Variants in IARS1 observed in about 807,000 individuals in gnomAD.
IARS1 encodes the protein isoleucyl-tRNA synthetase 1, also known as isoleucine--tRNA ligase, cytoplasmic.
A neutral mutation model predicts 168.2 loss-of-function variants in IARS1; 124 were observed. The observed-to-expected ratio is 0.74, with a 90% CI of 0.64 to 0.86. IARS1 has a LOEUF of 0.86. Among genes scored for constraint, IARS1 ranks in the 40% least tolerant of loss-of-function variants. The probability of loss-of-function intolerance (pLI) is 0.00; values close to 1 mark genes in which losing one functional copy is unlikely to be tolerated. For missense variants in IARS1, 1,452 were observed against 1,515.8 expected, an observed-to-expected ratio of 0.96 and a Z score of 0.70; for synonymous variants, 532 against 529.4, an observed-to-expected ratio of 1.00 and a Z score of -0.07.
chr9:92,227,620 G>A (rs1564159159), intron 31 of IARS1, among the ~76,000 whole-genome samples: 2 of 151,608 alleles, frequency 1.3e-5, no homozygotes, highest in East Asian at 1.9e-4. Context: ...CTTCTCAGAC[G>A]GGGCGGTTGC....
intron 6 of IARS1, among the ~76,000 whole-genome samples, chr9:92,282,106 G>C (rs1834671519): frequency 6.6e-6 from 1 of 151,894 alleles, no homozygotes; most frequent in South Asian, 2.1e-4. Flanking sequence ...ACTGATTTTA[G>C]GAAATATATA....
intron 7 of IARS1, among the ~76,000 whole-genome samples, chr9:92,278,598 G>A (rs112088266): frequency 2.0e-3 from 311 of 152,258 alleles, no homozygotes; most frequent in Non-Finnish European, 4.0e-3. Flanking sequence ...CATTGACAAA[G>A]TAGCTCACAA....
chr9:92,256,523 C>T lies in IARS1; in HGVS notation c.2137+157G>A, dbSNP rs891129920. ...CCAGGGTCTTGAAACAAAGATATCA[C>T]GACAATTAACAAGCCTTAACAAAAC... On this transcript the variant is annotated intron_variant, in intron 20 of 33. Coordinates refer to ENST00000443024, the MANE Select transcript of IARS1 (RefSeq NM_002161.6). 38 of 719,684 alleles carry T rather than the reference C, an allele frequency of 5.3e-5. No individual in the cohort carries two copies. In the African/African-American group the frequency reaches 5.3e-4, roughly 10 times the overall value. 44.6% of individuals were successfully genotyped at this position (719,684 alleles called of 1,614,324 possible).
In IARS1 at chr9:92,271,673, A is replaced by G; in HGVS notation, c.991-18T>C. 1.2e-6 allele frequency: 2 copies of G among 1,613,742 alleles called. 1 individual carries two copies. Among genetic ancestry groups the G allele is most frequent in the South Asian group, 2.2e-5 (2 of 91,080 alleles). On this transcript the variant is annotated intron_variant, in intron 10 of 33. Coordinates refer to ENST00000443024, the MANE Select transcript of IARS1 (RefSeq NM_002161.6). ...TAGTCCTCCTGAGAAAAGGCAAAAG[A>G]GAGGGAAGAATAAAACAGTCTATGT... is the stretch of plus-strand genomic sequence containing the variant.
chr9:92,272,136 T>G (rs1466604005), intron 10 of IARS1, among the ~76,000 whole-genome samples: 1 of 152,244 alleles, frequency 6.6e-6, no homozygotes, highest in East Asian at 1.9e-4. Context: ...GCAGCAATGC[T>G]AGGATTCAAA....
At position 92,262,944 on chromosome 9, in the gene IARS1, C is replaced by T. The variant is rs747400929; in HGVS notation, c.1787+25G>A. On this transcript the variant is annotated intron_variant, in intron 17 of 33. Coordinates refer to ENST00000443024, the MANE Select transcript of IARS1 (RefSeq NM_002161.6). ...GAAACAGTGGAGACAAAGTTCCACC[C>T]GTCACTACAACAAAGTTGACCTACC... 9 of 1,554,650 alleles carry T rather than the reference C, an allele frequency of 5.8e-6. No homozygotes were observed. The East Asian group carries it at 9.0e-5, about 16-fold the overall frequency.
chr9:92,229,280 T>C (rs1826258397), intron 30 of IARS1, among the ~76,000 whole-genome samples, 154 bp from the exon 31 acceptor site: 1 of 151,866 alleles, frequency 6.6e-6, no homozygotes, highest in Non-Finnish European at 1.5e-5. Flanking sequence ...TATAGCTTAT[T>C]ATATACATAT....
At chr9:92,287,713 C>A (rs914902315) in intron 4 of IARS1, 78 bp downstream of exon 4, 61 of 1,442,324 alleles carry the variant, frequency 4.2e-5, no homozygotes, top group Admixed American at 9.7e-5. Context: ...AAAAAAAGCA[C>A]AAGGGACCAT....
chr9:92,288,425 AT>A, intron 2 of IARS1, 143 bp from the exon 3 acceptor site: 1 of 717,180 alleles, frequency 1.4e-6, no homozygotes, highest in Non-Finnish European at 2.4e-6. Context: ...TTGATTTGAT[AT>A]TTACTGGTGG....
intron 33 of IARS1, among the ~76,000 whole-genome samples, chr9:92,215,969 G>A (rs955343234): frequency 2.7e-5 from 4 of 150,012 alleles, no homozygotes; most frequent in African/African-American, 9.8e-5. Context: ...ACACATAATT[G>A]TCAGATTCAC....
At position 92,249,937 on chromosome 9, in the gene IARS1, G is replaced by T. The variant is rs1829770089; in HGVS notation, c.2537C>A (p.Pro846His). Residue 846 changes from proline to histidine, a missense_variant, in exon 25 of 34, where the codon CCT (proline) becomes CAT (histidine). Transcript: ENST00000443024. Reference protein sequence around the residue: ...RDRKTIPIKYPLKEIVVIHQD... With the variant: ...RDRKTIPIKYHLKEIVVIHQD... The stretch of plus-strand genomic sequence containing the variant: ...ATGGATAACCACAATTTCTTTCAAA[G>T]GATACTAGGAGGAAAAGGGAGGGGA... 1.9e-6 allele frequency: 3 copies of T among 1,589,538 alleles called. No individual in the cohort carries two copies. The highest frequency in any genetic ancestry group is 1.3e-5 in the African/African-American group (1 of 74,320).
rs552432572 is a variant in IARS1, at chr9:92,240,778, T to G, written c.3283+78A>C. On this transcript the variant is annotated intron_variant, in intron 30 of 33. Transcript: ENST00000443024. The stretch of plus-strand genomic sequence containing the variant: ...ATTCCAATTCTCTTAAAAACATCCA[T>G]AAGTTTTTTTGGTTGTTTTTTCACA... 1.7e-5 allele frequency: 14 copies of G among 807,736 alleles called. No homozygotes were observed. In the Admixed American group the frequency reaches 2.7e-4, roughly 15 times the overall value. 50.0% of individuals were successfully genotyped at this position (807,736 alleles called of 1,614,324 possible). A position where few individuals can be genotyped will look rare whatever the true frequency, so the allele number is the denominator to read the frequency against.
intron 25 of IARS1, among the ~76,000 whole-genome samples, chr9:92,248,810 T>C (rs1829609070): frequency 6.6e-6 from 1 of 152,182 alleles, no homozygotes; most frequent in African/African-American, 2.4e-5. Context: ...ATAATAATGA[T>C]TTTAAATATC....
intron 25 of IARS1, among the ~76,000 whole-genome samples, chr9:92,248,597 G>A (rs553104002): frequency 1.4e-5 from 2 of 138,130 alleles, no homozygotes; most frequent in African/African-American, 5.5e-5. Context: ...AGGCTGTAGT[G>A]AGCCAAGATC....
At chr9:92,226,727 CTGTG>C (rs1360659254) in intron 31 of IARS1, among the ~76,000 whole-genome samples, 2 of 152,012 alleles carry the variant, frequency 1.3e-5, no homozygotes, top group African/African-American at 2.4e-5. Flanking sequence ...TGGCTTGCAG[CTGTG>C]TGTAACTCCA....
chr9:92,233,609 A>G (rs1002829715), intron 30 of IARS1, among the ~76,000 whole-genome samples: 1 of 152,192 alleles, frequency 6.6e-6, no homozygotes, highest in Non-Finnish European at 1.5e-5. Context: ...TGGAGGACAC[A>G]CTCAAACCAC....
Position 92,223,577 on chromosome 9 carries a change from T to C in IARS1, c.3410-88A>G, listed in dbSNP as rs188037143. 3.7e-4 allele frequency: 390 copies of C among 1,062,718 alleles called. 3 individuals carry two copies. The highest frequency in any genetic ancestry group is 3.5e-4 in the Non-Finnish European group (254 of 730,758). The allele number at this position is 1,062,718 out of a possible 1,614,324, so 65.8% of individuals were successfully genotyped here. Reference sequence around the variant, plus strand: ...ATTTTTCCTATTTAACTATCATGTATCTTTTTACGATAATGCTTTCCACTT... The same window carrying C: ...ATTTTTCCTATTTAACTATCATGTACCTTTTTACGATAATGCTTTCCACTT... On this transcript the variant is annotated intron_variant, in intron 31 of 33. Coordinates refer to ENST00000443024, the MANE Select transcript of IARS1 (RefSeq NM_002161.6).
At chr9:92,239,695 C>T (rs564662322) in intron 30 of IARS1, among the ~76,000 whole-genome samples, 13 of 152,132 alleles carry the variant, frequency 8.5e-5, no homozygotes, top group African/African-American at 1.4e-4. Context: ...CTGATGCCAC[C>T]GGGCAGAGGG....
chr9:92,250,990 G>A, intron 22 of IARS1, 156 bp from the exon 23 acceptor site: 1 of 742,376 alleles, frequency 1.3e-6, no homozygotes, highest in Admixed American at 2.3e-5. Context: ...AATGAGAAAT[G>A]GCCTCATATC....
Sources: gnomAD v4.1 joint callset for allele counts (sites outside exome capture counted in the v4.1 genomes callset) on GRCh38, gnomAD v4.1.1 for gene constraint, MANE v1.5 for transcripts, NCBI Gene and HGNC (gene_info 2026-07-23, HGNC 2026-07-21) for gene names.